CALN1: variants seen among roughly 807,000 people sequenced by gnomAD.
CALN1 encodes calneuron 1, also known as calcium-binding protein 8.
Under a neutral mutation model 30.6 loss-of-function variants are expected in CALN1, and 17 were observed. That is an observed-to-expected ratio of 0.56 (90% CI 0.38 to 0.83). CALN1 has a LOEUF of 0.83. CALN1 is among the 40% of genes least tolerant of loss of function. The probability of loss-of-function intolerance (pLI) is 0.00; values close to 1 mark genes in which losing one functional copy is unlikely to be tolerated. For missense variants in CALN1, 291 were observed against 354.9 expected (o/e 0.82, Z 1.45); for synonymous variants, 156 against 131.4 (o/e 1.19, Z -1.28).
chr7:71,922,697 CA>C (rs1450467403), intron 5 of CALN1, among the ~76,000 whole-genome samples: 1 of 130,364 alleles, frequency 7.7e-6, no homozygotes, highest in Non-Finnish European at 1.6e-5. Context: ...AAATATATAA[CA>C]TACAGAATAT....
intron 2 of CALN1, among the ~76,000 whole-genome samples, chr7:72,310,948 A>AAT (rs1209538994): frequency 3.5e-4 from 53 of 151,524 alleles, no homozygotes; most frequent in Admixed American, 2.5e-3. Flanking sequence ...AGAAGAAGAA[A>AAT]ATATATATAT....
intron 5 of CALN1, among the ~76,000 whole-genome samples, chr7:71,810,962 C>G (rs182856277): frequency 9.8e-4 from 145 of 148,434 alleles, no homozygotes; most frequent in African/African-American, 2.8e-3. Flanking sequence ...GCGGCGAGAT[C>G]TCGGCTCACT....
At chr7:71,897,809 A>C (rs1793606532) in intron 5 of CALN1, among the ~76,000 whole-genome samples, 1 of 151,802 alleles carries the variant, frequency 6.6e-6, no homozygotes, top group African/African-American at 2.4e-5. Context: ...CCAAACCAGC[A>C]AAAACAGCAG....
intron 2 of CALN1, among the ~76,000 whole-genome samples, chr7:72,387,203 AGG>A (rs1805261147): frequency 9.6e-6 from 1 of 103,630 alleles, no homozygotes; most frequent in Admixed American, 1.1e-4. Flanking sequence ...GGAGGGAGGG[AGG>A]GAGGGAAGGA....
intron 4 of CALN1, among the ~76,000 whole-genome samples, chr7:72,036,137 T>A (rs1801781695): frequency 6.6e-6 from 1 of 152,228 alleles, no homozygotes; most frequent in South Asian, 2.1e-4. Flanking sequence ...TTGACAGGTA[T>A]TTTTTTCTTT....
intron 3 of CALN1, among the ~76,000 whole-genome samples, chr7:72,150,193 A>T (rs566350273): frequency 6.6e-6 from 1 of 152,254 alleles, no homozygotes; most frequent in Non-Finnish European, 1.5e-5. Context: ...GTTGAGCAGA[A>T]GATCTTCACG....
chr7:71,895,371 G>A (rs898174569), intron 5 of CALN1, among the ~76,000 whole-genome samples: 15 of 152,024 alleles, frequency 9.9e-5, no homozygotes, highest in Non-Finnish European at 8.8e-5. Flanking sequence ...GTGCAGTGGC[G>A]TGATAACTTT....
upstream of CALN1, among the ~76,000 whole-genome samples, chr7:72,413,752 CACAT>C (rs368092200): frequency 5.5e-4 from 82 of 150,034 alleles, no homozygotes; most frequent in African/African-American, 1.9e-3. Context: ...CATATGCACA[CACAT>C]ACACATAACA....
At chr7:72,221,249 T>C (rs1385383522) in intron 3 of CALN1, among the ~76,000 whole-genome samples, 2 of 151,240 alleles carry the variant, frequency 1.3e-5, no homozygotes, top group African/African-American at 4.9e-5. Flanking sequence ...CAATCTGTTA[T>C]AAGAGCCCCG....
chr7:72,423,343 T>G (rs1299274041), intron 1 of CALN1, among the ~76,000 whole-genome samples: 1 of 152,170 alleles, frequency 6.6e-6, no homozygotes, highest in Non-Finnish European at 1.5e-5. Context: ...CCTCTTTCCT[T>G]TTTCATTTTA....
At chr7:72,084,267 C>A (rs139460972) in intron 4 of CALN1, among the ~76,000 whole-genome samples, 1 of 152,248 alleles carries the variant, frequency 6.6e-6, no homozygotes, top group East Asian at 1.9e-4. Flanking sequence ...AAACTTTGTA[C>A]AGGGGAAACC....
chr7:72,421,056 G>A (rs1005290737), intron 1 of CALN1, among the ~76,000 whole-genome samples: 3 of 152,034 alleles, frequency 2.0e-5, no homozygotes, highest in African/African-American at 4.8e-5. Flanking sequence ...TTTCCTTTGC[G>A]TCCAGTGCGT....
chr7:72,399,782 G>A (rs73702934), intron 2 of CALN1, among the ~76,000 whole-genome samples: 2,595 of 152,266 alleles, frequency 0.017, 75 homozygotes, highest in African/African-American at 0.058. Context: ...ATCTCATGTT[G>A]GAATGTGATT....
intron 2 of CALN1, among the ~76,000 whole-genome samples, chr7:72,355,920 A>G (rs988350835): frequency 2.0e-5 from 3 of 152,242 alleles, no homozygotes; most frequent in African/African-American, 4.8e-5. Flanking sequence ...GCATTTTATT[A>G]TATGTAAATT....
intron 5 of CALN1, among the ~76,000 whole-genome samples, chr7:71,882,814 G>A (rs1313588488): frequency 6.6e-6 from 1 of 151,012 alleles, no homozygotes; most frequent in Non-Finnish European, 1.5e-5. Context: ...CTCTGGAGTA[G>A]CTGGGACTAT....
At position 71,821,106 on chromosome 7, in the gene CALN1, T is replaced by C. The variant is rs184192966; in HGVS notation, c.502-10614A>G. 1.5e-3 allele frequency among the ~76,000 whole-genome samples: 230 copies of C among 152,242 alleles called. 2 individuals carry two copies. The highest frequency in any genetic ancestry group is 3.4e-3 in the Middle Eastern group (1 of 294). ...ATAGCCTAGGATGCAGTAGAATGTA[T>C]AGATACAGGTTAATGACACAGATTT... is the stretch of plus-strand genomic sequence containing the variant. On this transcript the variant is annotated intron_variant, in intron 5 of 6. Transcript: ENST00000395275.
intron 3 of CALN1, among the ~76,000 whole-genome samples, chr7:72,190,728 C>A (rs1168073831): frequency 2.0e-5 from 3 of 152,186 alleles, no homozygotes; most frequent in Non-Finnish European, 2.9e-5. Context: ...ACTTAGCTGG[C>A]ATTTTATCAG....
chr7:72,469,105 T>C, the CALN1 span, among the ~76,000 whole-genome samples: 7 of 152,312 alleles, frequency 4.6e-5, no homozygotes, highest in Middle Eastern at 3.4e-3. Flanking sequence ...GTGCTTTTGG[T>C]ATCATATCTA....
At chr7:71,803,748 C>T (rs1205262932) in intron 6 of CALN1, among the ~76,000 whole-genome samples, 1 of 151,976 alleles carries the variant, frequency 6.6e-6, no homozygotes, top group African/African-American at 2.4e-5. Context: ...GTGCTGGGTT[C>T]CTGCCTGGGT....
Sources: allele counts gnomAD v4.1 joint callset (sites outside exome capture counted in the v4.1 genomes callset), GRCh38; gene constraint gnomAD v4.1.1; transcripts MANE v1.5; gene names NCBI Gene and HGNC (gene_info 2026-07-23, HGNC 2026-07-21).